TAF7L: variants seen among roughly 807,000 people sequenced by gnomAD.
TAF7L encodes the protein transcription initiation factor TFIID subunit 7-like.
A neutral mutation model predicts 30.2 loss-of-function variants in TAF7L; 6 were observed. The observed-to-expected ratio is 0.20, with a 90% CI of 0.11 to 0.39. The LOEUF is 0.39. Ranked by LOEUF, TAF7L falls within the 10% of genes least tolerant of loss-of-function variation. The pLI is 1.00. For missense variants in TAF7L, 284 were observed against 277.1 expected, an observed-to-expected ratio of 1.03 and a Z score of -0.18; for synonymous variants, 93 against 94.5, an observed-to-expected ratio of 0.98 and a Z score of 0.09.
upstream of TAF7L, among the ~76,000 whole-genome samples, chrX:101,292,163 C>T (rs1214540377): frequency 9.5e-4 from 94 of 98,750 alleles, no homozygotes; most frequent in African/African-American, 3.2e-3. Flanking sequence ...GGCGTGAACC[C>T]GGGAGGCGGA....
intron 9 of TAF7L, 103 bp downstream of exon 9, chrX:101,277,503 G>GT (rs368681162): frequency 0.064 from 18,395 of 289,155 alleles, no homozygotes; most frequent in East Asian, 0.099. Flanking sequence ...TTTTTTCTGG[G>GT]TTTTTTTTTT....
chrX:101,279,978 A>C (rs1351383141), intron 6 of TAF7L, among the ~76,000 whole-genome samples: 2 of 109,882 alleles, frequency 1.8e-5, no homozygotes, highest in East Asian at 2.8e-4. Flanking sequence ...CAAAAAAAAA[A>C]CCTTGAACTA....
rs1923878740 is a variant in TAF7L, at chrX:101,268,929, A to G, written c.*264T>C. 3.8e-6 allele frequency: 1 copy of G among 263,300 alleles called. No homozygotes were observed. Among genetic ancestry groups the G allele is most frequent in the African/African-American group, 2.8e-5 (1 of 35,980 alleles). The allele number at this position is 263,300 out of a possible 1,213,427, so 21.7% of individuals were successfully genotyped here. A position where few individuals can be genotyped will look rare whatever the true frequency, so the allele number is the denominator to read the frequency against. ...AGCCTGGGCAACATAACAAGACCCC[A>G]TTTCTAAATTAATAATAATAATTCC... On this transcript the variant is annotated 3_prime_UTR_variant, in exon 13 of 13. Coordinates refer to ENST00000356784, the MANE Select transcript of TAF7L (RefSeq NM_001168474.2).
chrX:101,277,451 CAAAA>C (rs368056727), intron 9 of TAF7L, among the ~76,000 whole-genome samples, 151 bp downstream of exon 9: 1 of 40,416 alleles, frequency 2.5e-5, no homozygotes, highest in African/African-American at 1.0e-4. Flanking sequence ...GACTCCATCT[CAAAA>C]AAAAAAAAAA....
At chrX:101,272,300 A>G (rs1374172714) in intron 12 of TAF7L, among the ~76,000 whole-genome samples, 1 of 112,010 alleles carries the variant, frequency 8.9e-6, no homozygotes, top group East Asian at 2.8e-4. Flanking sequence ...ACTCCTGTCA[A>G]TTCTACCTTT....
upstream of TAF7L, chrX:101,292,639 T>A: frequency 6.1e-6 from 4 of 657,350 alleles, no homozygotes; most frequent in Non-Finnish European, 9.0e-6. Flanking sequence ...AGAGTCAACA[T>A]TTTACATCCT....
upstream of TAF7L, chrX:101,291,395 A>G: frequency 2.1e-6 from 1 of 479,957 alleles, no homozygotes; most frequent in Non-Finnish European, 2.6e-6. Context: ...CCGCCTCGCC[A>G]CGCCTCCGCG....
chrX:101,291,063 C>T (rs995859875), intron 1 of TAF7L, among the ~76,000 whole-genome samples, 161 bp downstream of exon 1: 1 of 112,431 alleles, frequency 8.9e-6, no homozygotes, highest in Non-Finnish European at 1.9e-5. Flanking sequence ...TCCACTTTCC[C>T]TTGAAAACTT....
At chrX:101,288,974 A>G (rs1219683868) in intron 1 of TAF7L, among the ~76,000 whole-genome samples, 2 of 111,020 alleles carry the variant, frequency 1.8e-5, no homozygotes. Context: ...ATTAATGTTA[A>G]TAAGTTGTGA....
At chrX:101,290,925 G>A (rs1924773012) in intron 1 of TAF7L, among the ~76,000 whole-genome samples, 1 of 111,481 alleles carries the variant, frequency 9.0e-6, no homozygotes, top group South Asian at 3.7e-4. Context: ...GGCCATGCAA[G>A]TCAGTACACG....
Position 101,282,690 on chromosome X carries a change from GT to G in TAF7L, c.280-238del, listed in dbSNP as rs780275650. On this transcript the variant is annotated intron_variant, in intron 4 of 12. Coordinates refer to ENST00000356784, the MANE Select transcript of TAF7L (RefSeq NM_001168474.2). Reference sequence around the variant, plus strand: ...ATGAACTCTGAAGGTGCTTTGTTTTGTTTTTTTTTTTCCACGAGAGTGTTTA... The same window carrying G: ...ATGAACTCTGAAGGTGCTTTGTTTTGTTTTTTTTTTCCACGAGAGTGTTTA... Among the ~76,000 whole-genome samples, 185 of 102,318 alleles carry G rather than the reference GT, an allele frequency of 1.8e-3. 1 individual carries two copies. The highest frequency in any genetic ancestry group is 6.0e-3 in the African/African-American group (171 of 28,403). The allele number at this position is 102,318 out of a possible 115,157, so 88.9% of individuals were successfully genotyped here.
rs908581351 is a variant in TAF7L, at chrX:101,268,269, A to AATTT, written c.*920_*923dup. On this transcript the variant is annotated 3_prime_UTR_variant, in exon 13 of 13. Transcript: ENST00000356784. ...TGACAACAATCCATTTAAAATGAAC[A>AATTT]ATTTATTTATTGCTTAAAGAACATA... The AATTT allele has an allele frequency of 1.8e-5, 2 of 111,958 alleles. No individual in the cohort carries two copies. Among genetic ancestry groups the AATTT allele is most frequent in the African/African-American group, 6.5e-5 (2 of 30,814 alleles). 9.2% of individuals were successfully genotyped at this position (111,958 alleles called of 1,213,427 possible).
chrX:101,283,319 C>T, intron 4 of TAF7L, 131 bp downstream of exon 4: 1 of 698,023 alleles, frequency 1.4e-6, no homozygotes, highest in Non-Finnish European at 2.2e-6. Context: ...CATTCCTGTG[C>T]AGTCAATCTG....
intron 7 of TAF7L, 97 bp downstream of exon 7, chrX:101,278,897 A>C (rs1924307507): frequency 8.8e-6 from 7 of 798,330 alleles, no homozygotes; most frequent in Non-Finnish European, 1.3e-5. Flanking sequence ...AAGGCTCAAA[A>C]GTAGCTTCTG....
At chrX:101,271,659 T>TA (rs1487195880) in intron 12 of TAF7L, among the ~76,000 whole-genome samples, 2 of 111,719 alleles carry the variant, frequency 1.8e-5, no homozygotes, top group Admixed American at 1.9e-4. Flanking sequence ...CTGAAGACTA[T>TA]ATAAACACTA....
intron 2 of TAF7L, 51 bp downstream of exon 2, chrX:101,287,427 A>G (rs1344561639): frequency 5.4e-6 from 5 of 926,138 alleles, no homozygotes; most frequent in Non-Finnish European, 7.6e-6. Context: ...AACTATAATT[A>G]TAATTAAACT....
upstream of TAF7L, chrX:101,291,409 G>T: frequency 5.5e-6 from 2 of 364,849 alleles, no homozygotes; most frequent in Non-Finnish European, 7.1e-6. Context: ...CTCCGCGGCC[G>T]CGCTGCCCAG....
intron 12 of TAF7L, among the ~76,000 whole-genome samples, chrX:101,269,990 T>C (rs1923917019): frequency 1.8e-5 from 2 of 111,431 alleles, no homozygotes; most frequent in Non-Finnish European, 3.8e-5. Context: ...CTTGTCCCAA[T>C]GAACACAATG....
chrX:101,289,863 G>A (rs6621028), intron 1 of TAF7L, among the ~76,000 whole-genome samples: 48,737 of 107,889 alleles, frequency 0.45, 8,674 homozygotes, highest in African/African-American at 0.64. Context: ...TGTTGGGATT[G>A]TGGGCATGAG....
Sources: gnomAD v4.1 joint callset for allele counts (sites outside exome capture counted in the v4.1 genomes callset) on GRCh38, gnomAD v4.1.1 for gene constraint, MANE v1.5 for transcripts, NCBI Gene and HGNC (gene_info 2026-07-23, HGNC 2026-07-21) for gene names.